Variants in CHN1 observed in about 807,000 individuals in gnomAD.
CHN1 encodes the protein chimerin 1.
A neutral mutation model predicts 59.5 loss-of-function variants in CHN1; 37 were observed. The observed-to-expected ratio is 0.62, with a 90% CI of 0.48 to 0.82. CHN1 has a LOEUF of 0.82. Ranked by LOEUF, CHN1 falls within the 40% of genes least tolerant of loss-of-function variation. The pLI is 0.00. For missense variants in CHN1, 469 were observed against 571.0 expected (o/e 0.82, Z 1.82); for synonymous variants, 206 against 200.4 (o/e 1.03, Z -0.24).
chr2:174,807,513 T>TGTGTGTGTGTGTGTGTG (rs58430205), intron 11 of CHN1, among the ~76,000 whole-genome samples: 18 of 141,792 alleles, frequency 1.3e-4, no homozygotes, highest in East Asian at 2.1e-4. Context: ...TGTGTGTGTG[T>TGTGTGTGTGTGTGTGTG]TGCTTTCTAG....
intron 1 of CHN1, among the ~76,000 whole-genome samples, chr2:174,980,173 T>C (rs1255080365): frequency 6.6e-6 from 1 of 152,216 alleles, no homozygotes; most frequent in Non-Finnish European, 1.5e-5. Flanking sequence ...CTATTAATAC[T>C]GACCAACACA....
intron 1 of CHN1, among the ~76,000 whole-genome samples, chr2:174,963,116 T>G (rs1040273465): frequency 1.3e-5 from 2 of 152,182 alleles, no homozygotes; most frequent in African/African-American, 4.8e-5. Flanking sequence ...ATCAGAAAGT[T>G]TCATTCATTC....
rs569961484 is a variant in CHN1, at chr2:174,934,118, G to A, written c.114+10770C>T. Reference sequence around the variant, plus strand: ...AGGGGATGGTTTTGGAATGATTCACGCACATTACATTTAGTGTGTACTTTA... The same window carrying A: ...AGGGGATGGTTTTGGAATGATTCACACACATTACATTTAGTGTGTACTTTA... On this transcript the variant is annotated intron_variant, in intron 3 of 12. Coordinates refer to ENST00000409900, the MANE Select transcript of CHN1 (RefSeq NM_001822.7). Among the ~76,000 whole-genome samples, 47 of 152,254 alleles carry A rather than the reference G, an allele frequency of 3.1e-4. No homozygotes were observed. The South Asian group carries it at 3.1e-3, about 10-fold the overall frequency.
rs576834857 is a variant in CHN1 at position 174,978,579 on chromosome 2, C to T, written c.19+26315G>A. ...AGGTAATGGCTCATACTTTGCCCTG[C>T]ACCACATTGAGAGACTAATCCATTT... On this transcript the variant is annotated intron_variant, in intron 1 of 12. Transcript: ENST00000409900. Among the ~76,000 whole-genome samples the T allele has an allele frequency of 1.6e-4, 24 of 152,340 alleles. 2 individuals are homozygous for T. In the South Asian group the frequency reaches 2.9e-3, roughly 18 times the overall value.
chr2:174,998,302 CAAAA>C (rs34770658), intron 1 of CHN1, among the ~76,000 whole-genome samples: 7 of 48,806 alleles, frequency 1.4e-4, no homozygotes, highest in African/African-American at 6.0e-4. Flanking sequence ...GACTCTGTCT[CAAAA>C]AAAAAAAAAA....
chr2:174,800,197 G>A lies in CHN1; in HGVS notation c.1299C>T (p.Asp433=), dbSNP rs1326246983. The change falls in exon 13 of 13, where the codon GAC becomes GAT. Residue 433 remains aspartate, a synonymous_variant. Coordinates refer to ENST00000409900, the MANE Select transcript of CHN1 (RefSeq NM_001822.7). ...GTATATCATTCAATGCAGCCATGGC[G>A]TCTAGTTCTGGAGATCTCATAAGGG... is the stretch of plus-strand genomic sequence containing the variant. ...GPTLMRSPEL[D]AMAALNDIRY... is the part of the protein sequence containing the mutation. The A allele has an allele frequency of 9.8e-6, 15 of 1,526,022 alleles. No individual in the cohort carries two copies. Among genetic ancestry groups the A allele is most frequent in the South Asian group, 2.7e-5 (2 of 72,804 alleles). 94.5% of individuals were successfully genotyped at this position (1,526,022 alleles called of 1,614,324 possible).
At chr2:174,904,511 C>T (rs1440415022) in intron 5 of CHN1, among the ~76,000 whole-genome samples, 1 of 151,912 alleles carries the variant, frequency 6.6e-6, no homozygotes, top group East Asian at 2.0e-4. Flanking sequence ...GCCTCAGCCT[C>T]CCAAGTAGCT....
At chr2:174,967,582 T>C (rs1339219073) in intron 1 of CHN1, among the ~76,000 whole-genome samples, 1 of 152,094 alleles carries the variant, frequency 6.6e-6, no homozygotes, top group Non-Finnish European at 1.5e-5. Context: ...ATTCCAGATA[T>C]TAAAAAAATG....
intron 1 of CHN1, among the ~76,000 whole-genome samples, chr2:174,960,353 T>C (rs1050972403): frequency 2.6e-5 from 4 of 152,244 alleles, no homozygotes; most frequent in African/African-American, 9.6e-5. Context: ...TGATTAAGTA[T>C]GATTAAGTAT....
chr2:174,987,316 G>A (rs1364316047), intron 1 of CHN1, among the ~76,000 whole-genome samples: 2 of 151,894 alleles, frequency 1.3e-5, no homozygotes, highest in Non-Finnish European at 2.9e-5. Flanking sequence ...CAAGAAAGAG[G>A]AAATATTAAC....
intron 3 of CHN1, among the ~76,000 whole-genome samples, chr2:174,939,999 TAGAG>T (rs969527217): frequency 5.0e-4 from 76 of 152,234 alleles, no homozygotes; most frequent in African/African-American, 1.8e-3. Context: ...TTTTTATCAA[TAGAG>T]AAATAATTAT....
rs531595970 is a variant in CHN1 at position 174,949,127 on chromosome 2, A to C, written c.58+3037T>G. Among the ~76,000 whole-genome samples, 58 of 152,318 alleles carry C rather than the reference A, an allele frequency of 3.8e-4. No homozygotes were observed. In the South Asian group the frequency reaches 0.011, roughly 30 times the overall value. On this transcript the variant is annotated intron_variant, in intron 2 of 12. Transcript: ENST00000409900. ...AAATATAAAGATTCCTAAGAGATGA[A>C]GTCCTTAAGGTACAATTAATAAACA...
chr2:174,847,379 A>T (rs1686557853), intron 6 of CHN1: 1 of 1,247,292 alleles, frequency 8.0e-7, no homozygotes. Context: ...TAAAAACTTG[A>T]GTCTGAACAG....
intron 6 of CHN1, among the ~76,000 whole-genome samples, chr2:174,858,139 C>T (rs1382439002): frequency 1.3e-5 from 2 of 152,022 alleles, no homozygotes; most frequent in African/African-American, 4.8e-5. Context: ...CCTTTAGTGA[C>T]TTCTGTTGAT....
At chr2:174,854,983 C>G (rs975173052) in intron 6 of CHN1, among the ~76,000 whole-genome samples, 1 of 152,152 alleles carries the variant, frequency 6.6e-6, no homozygotes, top group Non-Finnish European at 1.5e-5. Flanking sequence ...AACATCCATG[C>G]TCATACTCAG....
At chr2:174,922,817 A>G (rs1389894135) in intron 3 of CHN1, among the ~76,000 whole-genome samples, 1 of 152,242 alleles carries the variant, frequency 6.6e-6, no homozygotes, top group African/African-American at 2.4e-5. Context: ...GGAATAATGT[A>G]GATCTATTGA....
Position 175,005,048 on chromosome 2 carries a change from C to A in CHN1, c.-136G>T. The A allele has an allele frequency of 1.5e-6, 2 of 1,375,048 alleles. No homozygotes were observed. The highest frequency in any genetic ancestry group is 1.5e-5 in the South Asian group (1 of 66,520). 85.2% of individuals were successfully genotyped at this position (1,375,048 alleles called of 1,614,324 possible). The stretch of plus-strand genomic sequence containing the variant: ...GGGGCGTGCTGGGGGCGCCGGCGCC[C>A]GGGGAGGCTGCAGGCCGGGACGCGG... On this transcript the variant is annotated 5_prime_UTR_variant, in exon 1 of 13. Transcript: ENST00000409900.
intron 1 of CHN1, among the ~76,000 whole-genome samples, chr2:174,992,848 C>G (rs1329978634): frequency 5.3e-5 from 8 of 152,030 alleles, no homozygotes; most frequent in African/African-American, 1.9e-4. Flanking sequence ...GTCACCCAGG[C>G]TGGAGTGCTC....
chr2:174,822,698 T>C (rs1309244639), intron 8 of CHN1, among the ~76,000 whole-genome samples: 1 of 152,250 alleles, frequency 6.6e-6, no homozygotes, highest in Non-Finnish European at 1.5e-5. Flanking sequence ...TTTGTGAAAC[T>C]GCAATGCACA....
Sources: allele counts gnomAD v4.1 joint callset (sites outside exome capture counted in the v4.1 genomes callset), GRCh38; gene constraint gnomAD v4.1.1; transcripts MANE v1.5; gene names NCBI Gene and HGNC (gene_info 2026-07-23, HGNC 2026-07-21).